Variants in ITGAM observed in about 807,000 individuals in gnomAD.
The protein encoded by ITGAM is integrin alpha-M.
A neutral mutation model predicts 137.5 loss-of-function variants in ITGAM; 79 were observed. That is an observed-to-expected ratio of 0.57 (90% confidence interval 0.48 to 0.69). The LOEUF (loss-of-function observed/expected upper bound fraction) is 0.69, where lower values mean the gene tolerates loss of function less well. Ranked by LOEUF, ITGAM falls within the 30% of genes least tolerant of loss-of-function variation. The pLI, the probability that ITGAM is intolerant of heterozygous loss-of-function variation, is 0.00. For missense variants in ITGAM, 1,343 were observed against 1,483.5 expected, an observed-to-expected ratio of 0.91 and a Z score of 1.56; for synonymous variants, 583 against 592.3, an observed-to-expected ratio of 0.98 and a Z score of 0.23.
In ITGAM at chr16:31,331,741, C is replaced by T. The variant is rs978765486; in HGVS notation, c.*34C>T. 16 of 1,521,420 alleles carry T rather than the reference C, an allele frequency of 1.1e-5. No individual in the cohort carries two copies. The highest frequency in any genetic ancestry group is 1.4e-5 in the Non-Finnish European group (16 of 1,118,114). The allele number at this position is 1,521,420 out of a possible 1,614,324, so 94.2% of individuals were successfully genotyped here. ...TCCCGACAGAGCTGCCTCTCGGTGG[C>T]CAGCAGGACTCTGCCCAGACCACAC... On this transcript the variant is annotated 3_prime_UTR_variant, in exon 30 of 30. Transcript: ENST00000544665.
At chr16:31,297,681 G>A in intron 13 of ITGAM, 27 bp downstream of exon 13, 1 of 1,606,594 alleles carries the variant, frequency 6.2e-7, no homozygotes, top group East Asian at 2.2e-5. Context: ...CCTGGGCTGG[G>A]TGGGGCCCGG....
chr16:31,323,972 C>T (rs2080476802), intron 16 of ITGAM, among the ~76,000 whole-genome samples: 1 of 151,692 alleles, frequency 6.6e-6, no homozygotes, highest in Non-Finnish European at 1.5e-5. Flanking sequence ...GAGATGGCAC[C>T]ACTGCACTCC....
chr16:31,260,631 A>G (rs1461750476), intron 1 of ITGAM, among the ~76,000 whole-genome samples: 1 of 152,242 alleles, frequency 6.6e-6, no homozygotes, highest in African/African-American at 2.4e-5. Context: ...TTAAGAATGT[A>G]TAGAAACTTC....
intron 14 of ITGAM, among the ~76,000 whole-genome samples, chr16:31,308,986 T>A (rs1396603443): frequency 8.0e-6 from 1 of 124,462 alleles, no homozygotes; most frequent in Non-Finnish European, 1.7e-5. Context: ...TCACCCTGAG[T>A]TCTAGTTTGA....
At position 31,332,542 on chromosome 16, in the gene ITGAM, T is replaced by C. The variant is rs1295288282; in HGVS notation, c.*835T>C. ...GTCACCTCCTTAAAGGTAGTCAAGA[T>C]TGTGTTTTGAGGTTTCCTTCAGACA... is the stretch of plus-strand genomic sequence containing the variant. On this transcript the variant is annotated 3_prime_UTR_variant, in exon 30 of 30. Coordinates refer to ENST00000544665, the MANE Select transcript of ITGAM (RefSeq NM_000632.4). 6.6e-6 allele frequency: 1 copy of C among 152,222 alleles called. No homozygotes were observed. The highest frequency in any genetic ancestry group is 6.5e-5 in the Admixed American group (1 of 15,280). 9.4% of individuals were successfully genotyped at this position (152,222 alleles called of 1,614,324 possible). A position where few individuals can be genotyped will look rare whatever the true frequency, so the allele number is the denominator to read the frequency against.
intron 14 of ITGAM, among the ~76,000 whole-genome samples, chr16:31,298,268 C>A (rs1044538416): frequency 6.6e-6 from 1 of 150,586 alleles, no homozygotes; most frequent in Non-Finnish European, 1.5e-5. Flanking sequence ...GTCCCAGCTA[C>A]TCTGGAGGCT....
chr16:31,331,472 A>T (rs1597046357), intron 29 of ITGAM, 164 bp from the exon 30 acceptor site: 1 of 609,262 alleles, frequency 1.6e-6, no homozygotes, highest in Non-Finnish European at 2.9e-6. Flanking sequence ...CCCTCCTTGT[A>T]GTTTCTGTTT....
At chr16:31,270,736 TATATATATG>T (rs1390202832) in intron 5 of ITGAM, among the ~76,000 whole-genome samples, 8 of 115,680 alleles carry the variant, frequency 6.9e-5, no homozygotes, top group Non-Finnish European at 1.4e-4. Flanking sequence ...TATATATATA[TATATATATG>T]TTTTTAACGT....
chr16:31,296,394 T>C (rs2080134338), intron 12 of ITGAM, among the ~76,000 whole-genome samples: 1 of 152,068 alleles, frequency 6.6e-6, no homozygotes, highest in Non-Finnish European at 1.5e-5. Context: ...ATTACAGGCA[T>C]GAGCCACTGC....
At position 31,324,733 on chromosome 16, in the gene ITGAM, A is replaced by G. The variant is rs896385550; in HGVS notation, c.2240A>G (p.Asn747Ser). The G allele has an allele frequency of 1.8e-5, 29 of 1,593,426 alleles. No homozygotes were observed. Among genetic ancestry groups the G allele is most frequent in the Non-Finnish European group, 2.3e-5 (27 of 1,171,152 alleles). ...LVGTPLSAFG[N>S]LRPVLAEDAQ... is the part of the protein sequence containing the mutation. Reference sequence around the variant, plus strand: ...GGAACGCCATTGTCTGCTTTCGGGAACCTCCGGCCAGTGCTGGCGGAGGAT... The same window carrying G: ...GGAACGCCATTGTCTGCTTTCGGGAGCCTCCGGCCAGTGCTGGCGGAGGAT... Residue 747 changes from asparagine (N) to serine (S), a missense_variant, in exon 18 of 30, where the codon AAC (asparagine) becomes AGC (serine). Transcript: ENST00000544665. The surrounding 1 kb of genome is among the most constrained non-coding windows in gnomAD (Gnocchi z 4.5).
intron 14 of ITGAM, among the ~76,000 whole-genome samples, chr16:31,308,269 A>G (rs1228728270): frequency 6.6e-6 from 1 of 152,064 alleles, no homozygotes; most frequent in Non-Finnish European, 1.5e-5. Context: ...CTGTGAATCC[A>G]TCTGGTCCTG....
Position 31,330,077 on chromosome 16 carries a change from T to G in ITGAM, c.2977-4T>G. Reference sequence around the variant, plus strand: ...GCCCCTTCTCAGTGCGTCTCTTTCCTCAGAACCTCTCGAGTACGTGCCACA... The same window carrying G: ...GCCCCTTCTCAGTGCGTCTCTTTCCGCAGAACCTCTCGAGTACGTGCCACA... On this transcript the variant is annotated splice_region_variant and splice_polypyrimidine_tract_variant and intron_variant, in intron 25 of 29. Transcript: ENST00000544665. 1 of 1,613,174 alleles carries G rather than the reference T, an allele frequency of 6.2e-7. No homozygotes were observed.
At position 31,275,711 on chromosome 16, in the gene ITGAM, A is replaced by C. The variant is rs1406878779; in HGVS notation, c.1009+12A>C. 2.6e-5 allele frequency: 42 copies of C among 1,613,528 alleles called. No individual in the cohort carries two copies. Among genetic ancestry groups the C allele is most frequent in the Non-Finnish European group, 3.6e-5 (42 of 1,179,718 alleles). ...CTTTGCGATCGAGGGTGAGTCAGGC[A>C]TCTGTGTTCCCAGAGCAGCTCCAGA... On this transcript the variant is annotated intron_variant, in intron 9 of 29. Coordinates refer to ENST00000544665, the MANE Select transcript of ITGAM (RefSeq NM_000632.4).
chr16:31,283,053 C>T (rs533267384), intron 12 of ITGAM, among the ~76,000 whole-genome samples: 139 of 152,346 alleles, frequency 9.1e-4, no homozygotes, highest in Middle Eastern at 3.4e-3. Flanking sequence ...GGCCCCCACT[C>T]TCTTCTGGCT....
chr16:31,313,121 G>A (rs1301888704), intron 14 of ITGAM, among the ~76,000 whole-genome samples: 1 of 152,080 alleles, frequency 6.6e-6, no homozygotes, highest in Non-Finnish European at 1.5e-5. Context: ...GGGAGGCTGA[G>A]GCAGGAGAAT....
chr16:31,330,052 G>T, intron 25 of ITGAM, 29 bp from the exon 26 acceptor site: 4 of 1,607,302 alleles, frequency 2.5e-6, no homozygotes, highest in Non-Finnish European at 3.4e-6. Flanking sequence ...CTTCATCTCT[G>T]CCCCTTCTCA....
intron 14 of ITGAM, among the ~76,000 whole-genome samples, chr16:31,312,305 A>G (rs1009126909): frequency 1.3e-5 from 2 of 152,234 alleles, no homozygotes; most frequent in Non-Finnish European, 2.9e-5. Context: ...AAAGAAAAAG[A>G]AAAGAAATCC....
At chr16:31,302,952 CTTTCTTTCTTT>C (rs2080227388) in intron 14 of ITGAM, among the ~76,000 whole-genome samples, 1 of 118,982 alleles carries the variant, frequency 8.4e-6, no homozygotes, top group African/African-American at 3.3e-5. Context: ...TTCTTTCTTT[CTTTCTTTCTTT>C]CTTTCTTTCT....
At chr16:31,317,096 T>A (rs1486448719) in intron 14 of ITGAM, among the ~76,000 whole-genome samples, 1 of 152,220 alleles carries the variant, frequency 6.6e-6, no homozygotes, top group African/African-American at 2.4e-5. Flanking sequence ...CTTATCTTTT[T>A]CTTGCCCAAT....
Sources: gnomAD v4.1 joint callset for allele counts (sites outside exome capture counted in the v4.1 genomes callset) on GRCh38, gnomAD v4.1.1 for gene constraint, Gnocchi (gnomAD v3.1) non-coding constraint, MANE v1.5 for transcripts, NCBI Gene and HGNC (gene_info 2026-07-23, HGNC 2026-07-21) for gene names.